GUCY2C: variants seen among roughly 807,000 people sequenced by gnomAD.
The protein encoded by GUCY2C is guanylyl cyclase C.
Under a neutral mutation model 131.1 loss-of-function variants are expected in GUCY2C, and 118 were observed. That is an observed-to-expected ratio of 0.90 (90% CI 0.78 to 1.05). The LOEUF (loss-of-function observed/expected upper bound fraction) is 1.05. Among genes scored for constraint, GUCY2C ranks in the 50% least tolerant of loss-of-function variants. GUCY2C has a pLI of 0.00. For missense variants in GUCY2C, 1,161 were observed against 1,304.4 expected (o/e 0.89, Z 1.69); for synonymous variants, 452 against 457.8 (o/e 0.99, Z 0.16).
At position 14,622,011 on chromosome 12, in the gene GUCY2C, G is replaced by A. The variant is rs1342835644; in HGVS notation, c.2595C>T (p.Val865=). The change falls in exon 22 of 27, where the codon GTC becomes GTT. Residue 865 remains valine (V), a synonymous_variant. Transcript: ENST00000261170. Reference sequence around the variant, plus strand: ...TGTTAGGTGATGTGGTTACCTTGTAGACATCATGATGATCAACAATGTGGT... The same window carrying A: ...TGTTAGGTGATGTGGTTACCTTGTAAACATCATGATGATCAACAATGTGGT... ...SFDHIVDHHD[V]YKVETIGDAY... 1 of 1,595,256 alleles carries A rather than the reference G, an allele frequency of 6.3e-7. No individual in the cohort carries two copies. Among genetic ancestry groups the A allele is most frequent in the Non-Finnish European group, 8.5e-7 (1 of 1,170,340 alleles).
intron 21 of GUCY2C, among the ~76,000 whole-genome samples, chr12:14,623,578 C>T (rs1215856414): frequency 7.2e-5 from 11 of 152,160 alleles, no homozygotes; most frequent in Admixed American, 6.5e-4. Flanking sequence ...ATTCATTGTA[C>T]TGCTTATATC....
intron 13 of GUCY2C, among the ~76,000 whole-genome samples, chr12:14,652,578 G>A (rs1180221882): frequency 6.6e-6 from 1 of 152,206 alleles, no homozygotes; most frequent in African/African-American, 2.4e-5. Context: ...CAGGCAGAAG[G>A]GAGGGAGGGA....
At chr12:14,633,959 G>A (rs1947207251) in intron 19 of GUCY2C, among the ~76,000 whole-genome samples, 1 of 152,124 alleles carries the variant, frequency 6.6e-6, no homozygotes, top group African/African-American at 2.4e-5. Flanking sequence ...CCCAAAAGGC[G>A]AAGAGAAAAC....
chr12:14,648,468 C>A (rs908793593), intron 15 of GUCY2C, among the ~76,000 whole-genome samples: 3 of 152,130 alleles, frequency 2.0e-5, no homozygotes, highest in Non-Finnish European at 4.4e-5. Flanking sequence ...AAGGCCATCA[C>A]AACCTCACAC....
chr12:14,624,180 C>T (rs1946956784), intron 21 of GUCY2C, among the ~76,000 whole-genome samples: 3 of 152,172 alleles, frequency 2.0e-5, no homozygotes, highest in Admixed American at 1.3e-4. Flanking sequence ...GTGGCTCACA[C>T]CTGTAATCCC....
intron 12 of GUCY2C, among the ~76,000 whole-genome samples, chr12:14,654,223 A>G (rs951075232): frequency 1.3e-5 from 2 of 152,250 alleles, no homozygotes; most frequent in African/African-American, 2.4e-5. Flanking sequence ...TTCCTGTTCT[A>G]GCAGTGGGAT....
intron 10 of GUCY2C, among the ~76,000 whole-genome samples, chr12:14,666,735 CAAAAA>C (rs5796603): frequency 7.7e-6 from 1 of 130,624 alleles, no homozygotes; most frequent in African/African-American, 2.8e-5. Context: ...ACAATGTCTC[CAAAAA>C]AAAAAAAAAA....
chr12:14,627,205 C>T (rs543664338), intron 20 of GUCY2C, among the ~76,000 whole-genome samples: 33 of 152,322 alleles, frequency 2.2e-4, no homozygotes, highest in Middle Eastern at 6.8e-3. Flanking sequence ...AGTCATTTTA[C>T]TATTACAAGA....
intron 20 of GUCY2C, among the ~76,000 whole-genome samples, chr12:14,628,016 G>A (rs1216381140): frequency 3.9e-5 from 6 of 152,176 alleles, no homozygotes; most frequent in Admixed American, 3.3e-4. Context: ...TTGATACCCA[G>A]TGAGGGTAAG....
chr12:14,692,260 A>G (rs1339574178), intron 1 of GUCY2C, among the ~76,000 whole-genome samples: 2 of 152,206 alleles, frequency 1.3e-5, no homozygotes, highest in African/African-American at 4.8e-5. Flanking sequence ...AACAGATTGA[A>G]TGTAGAAGCC....
At chr12:14,681,543 C>T in intron 4 of GUCY2C, 66 bp from the exon 5 acceptor site, 1 of 1,364,222 alleles carries the variant, frequency 7.3e-7, no homozygotes, top group Non-Finnish European at 1.0e-6. Context: ...CCTTTCACTT[C>T]TTATTTGCAG....
intron 20 of GUCY2C, among the ~76,000 whole-genome samples, chr12:14,627,813 T>C (rs527649013): frequency 6.6e-6 from 1 of 152,288 alleles, no homozygotes; most frequent in African/African-American, 2.4e-5. Flanking sequence ...CCTGCTCCAT[T>C]CCCACAACTG....
At chr12:14,669,971 T>A in intron 9 of GUCY2C, 138 bp from the exon 10 acceptor site, 1 of 526,126 alleles carries the variant, frequency 1.9e-6, no homozygotes, top group Non-Finnish European at 3.3e-6. Context: ...GTTAACCAGC[T>A]AGTTAGGATC....
rs3217210 is a variant in GUCY2C at position 14,628,744 on chromosome 12, G to GAAA, written c.2158-10_2158-8dup. On this transcript the variant is annotated splice_region_variant and splice_polypyrimidine_tract_variant and intron_variant, in intron 19 of 26. Transcript: ENST00000261170. ...TTTTTACAAGTAGGTACACCTGGAA[G>GAAA]AAAAAAAAACGGGCAAATTAGCTAA... 55 of 1,339,306 alleles carry GAAA rather than the reference G, an allele frequency of 4.1e-5. No individual in the cohort carries two copies. The highest frequency in any genetic ancestry group is 7.4e-5 in the African/African-American group (5 of 67,332). 83.0% of individuals were successfully genotyped at this position (1,339,306 alleles called of 1,614,324 possible).
chr12:14,643,931 G>A (rs1295933875), intron 16 of GUCY2C, among the ~76,000 whole-genome samples: 1 of 152,070 alleles, frequency 6.6e-6, no homozygotes, highest in East Asian at 1.9e-4. Context: ...GAGTAAAAGG[G>A]AATTGTCTAA....
chr12:14,674,477 G>T (rs1948183111), intron 8 of GUCY2C, 148 bp downstream of exon 8: 1 of 797,270 alleles, frequency 1.3e-6, no homozygotes, highest in South Asian at 1.4e-5. Context: ...CACCCTCAAA[G>T]TTTATGTAAT....
intron 3 of GUCY2C, among the ~76,000 whole-genome samples, chr12:14,684,221 G>T (rs997136944): frequency 6.6e-6 from 1 of 151,976 alleles, no homozygotes; most frequent in Non-Finnish European, 1.5e-5. Flanking sequence ...TCCAAATATG[G>T]TCCTACTTAA....
chr12:14,640,922 C>A (rs1273001801), intron 18 of GUCY2C, among the ~76,000 whole-genome samples, 160 bp downstream of exon 18: 1 of 152,124 alleles, frequency 6.6e-6, no homozygotes, highest in East Asian at 1.9e-4. Flanking sequence ...AATATTGAAT[C>A]TTCCTTATAT....
Position 14,686,169 on chromosome 12 carries a change from GA to G in GUCY2C, c.386del (p.Phe129SerfsTer9), listed in dbSNP as rs1302757681. 7 of 1,587,976 alleles carry G rather than the reference GA, an allele frequency of 4.4e-6. No individual in the cohort carries two copies. The highest frequency in any genetic ancestry group is 5.2e-6 in the Non-Finnish European group (6 of 1,156,400). ...LIGPSCTYST[F>X]QMYLDTELSY... is the part of the protein sequence containing the mutation. Reference sequence around the variant, plus strand: ...ACAGTAGTATTACTTACTACATCTGGAAGGTGGAGTATGTACATGAGGGCCC... The same window carrying G: ...ACAGTAGTATTACTTACTACATCTGGAGGTGGAGTATGTACATGAGGGCCC... On this transcript the variant is annotated frameshift_variant, in exon 3 of 27. Transcript: ENST00000261170. LOFTEE classifies it high-confidence loss of function.
Sources: gnomAD v4.1 joint callset for allele counts (sites outside exome capture counted in the v4.1 genomes callset) on GRCh38, gnomAD v4.1.1 for gene constraint, MANE v1.5 for transcripts, NCBI Gene and HGNC (gene_info 2026-07-23, HGNC 2026-07-21) for gene names.